TRPC6: variants seen among roughly 807,000 people sequenced by gnomAD.
The protein encoded by TRPC6 is transient receptor potential cation channel subfamily C member 6.
TRPC6 carries 55 observed loss-of-function variants against 90.7 expected under a neutral mutation model. The observed-to-expected ratio is 0.61, with a 90% CI of 0.49 to 0.76. TRPC6 has a LOEUF of 0.76. Among genes scored for constraint, TRPC6 ranks in the 30% least tolerant of loss-of-function variants. The pLI is 0.00. For missense variants in TRPC6, 989 were observed against 1,122.7 expected, an observed-to-expected ratio of 0.88 and a Z score of 1.70; for synonymous variants, 393 against 393.0, an observed-to-expected ratio of 1.00 and a Z score of 0.00.
intron 1 of TRPC6, among the ~76,000 whole-genome samples, chr11:101,516,976 C>T (rs1280789248): frequency 2.0e-5 from 3 of 152,216 alleles, no homozygotes; most frequent in South Asian, 2.1e-4. Flanking sequence ...TCCCCTTTTG[C>T]CCACATTTTT....
At chr11:101,511,336 G>C (rs1860388398) in intron 1 of TRPC6, among the ~76,000 whole-genome samples, 2 of 152,122 alleles carry the variant, frequency 1.3e-5, no homozygotes, top group African/African-American at 4.8e-5. Context: ...AGTCCTATGA[G>C]AGCAATGATG....
At chr11:101,508,064 A>C (rs1451598210) in intron 1 of TRPC6, among the ~76,000 whole-genome samples, 2 of 152,008 alleles carry the variant, frequency 1.3e-5, no homozygotes, top group Non-Finnish European at 2.9e-5. Flanking sequence ...ATTTTCAAAA[A>C]CACCCTTTAT....
Position 101,549,342 on chromosome 11 carries a change from T to C in TRPC6, c.170+33992A>G, listed in dbSNP as rs562313648. On this transcript the variant is annotated intron_variant, in intron 1 of 12. Transcript: ENST00000344327. ...GATGGTCAGCTATATGAAAAATAAT[T>C]ATTTATATCCACACCTCATATTACG... is the stretch of plus-strand genomic sequence containing the variant. Among the ~76,000 whole-genome samples, 323 of 151,844 alleles carry C rather than the reference T, an allele frequency of 2.1e-3. 2 individuals carry two copies. Among genetic ancestry groups the C allele is most frequent in the Middle Eastern group, 0.02 (6 of 294 alleles).
At chr11:101,578,186 C>G (rs987131519) in intron 1 of TRPC6, among the ~76,000 whole-genome samples, 1 of 152,060 alleles carries the variant, frequency 6.6e-6, no homozygotes, top group Non-Finnish European at 1.5e-5. Context: ...GACGTGTGAA[C>G]AAATAAATGT....
At chr11:101,467,792 A>C (rs1167144240) in intron 10 of TRPC6, among the ~76,000 whole-genome samples, 1 of 152,164 alleles carries the variant, frequency 6.6e-6, no homozygotes, top group African/African-American at 2.4e-5. Context: ...TTAAATATCT[A>C]ACTCTCAGTC....
Position 101,455,005 on chromosome 11 carries a change from A to T in TRPC6, c.2568+13T>A. The T allele has an allele frequency of 1.2e-6, 2 of 1,602,988 alleles. No individual in the cohort carries two copies. The highest frequency in any genetic ancestry group is 2.2e-5 in the East Asian group (1 of 44,628). On this transcript the variant is annotated intron_variant, in intron 11 of 12. Transcript: ENST00000344327. ...AAGTAACTAGTTTTATTCCTTTAAA[A>T]ATCCATGCTTACCTGATATTGTCTT...
At chr11:101,521,140 C>A (rs1860649914) in intron 1 of TRPC6, among the ~76,000 whole-genome samples, 1 of 152,176 alleles carries the variant, frequency 6.6e-6, no homozygotes, top group African/African-American at 2.4e-5. Flanking sequence ...GCTTCAAAGG[C>A]ATTTCAGAGA....
rs1247788466 is a variant in TRPC6, at chr11:101,583,740, C to T, written c.-237G>A. On this transcript the variant is annotated 5_prime_UTR_variant, in exon 1 of 13. An upstream open reading frame in the 5' UTR loses its in-frame stop. Coordinates refer to ENST00000344327, the MANE Select transcript of TRPC6 (RefSeq NM_004621.6). ...AAAGAGGATCTTGACCTGAGCAGGT[C>T]AGGCCGAGGAGACCCCGCGAGGATG... The T allele has an allele frequency of 3.5e-5, 15 of 426,388 alleles. No individual in the cohort carries two copies. The East Asian group carries it at 5.0e-4, about 14-fold the overall frequency. 26.4% of individuals were successfully genotyped at this position (426,388 alleles called of 1,614,324 possible).
intron 1 of TRPC6, 83 bp from the exon 2 acceptor site, chr11:101,504,881 ATCC>A: frequency 6.7e-7 from 1 of 1,486,828 alleles, no homozygotes; most frequent in Non-Finnish European, 9.2e-7. Flanking sequence ...ATCTAATACA[ATCC>A]TCAAGTATAT....
At chr11:101,465,704 G>C (rs953248624) in intron 10 of TRPC6, among the ~76,000 whole-genome samples, 2 of 151,956 alleles carry the variant, frequency 1.3e-5, no homozygotes, top group African/African-American at 4.8e-5. Context: ...TTTTTTCAAG[G>C]TTCTTAGTTT....
intron 1 of TRPC6, chr11:101,583,077 C>T: frequency 2.8e-6 from 2 of 710,176 alleles, no homozygotes; most frequent in Non-Finnish European, 3.5e-6. Flanking sequence ...TGTTACTATG[C>T]GGTCTCACTC....
intron 1 of TRPC6, among the ~76,000 whole-genome samples, chr11:101,506,814 TTTTAG>T (rs1860279358): frequency 1.3e-5 from 2 of 152,136 alleles, no homozygotes; most frequent in South Asian, 2.1e-4. Flanking sequence ...CATGTGCATA[TTTTAG>T]TTTATTCTAT....
At chr11:101,501,488 C>G (rs1189560534) in intron 2 of TRPC6, among the ~76,000 whole-genome samples, 1 of 152,100 alleles carries the variant, frequency 6.6e-6, no homozygotes, top group Non-Finnish European at 1.5e-5. Context: ...ACACCAACTT[C>G]TCTATTCCTG....
chr11:101,467,577 G>T (rs1859178356), intron 10 of TRPC6, among the ~76,000 whole-genome samples: 1 of 152,156 alleles, frequency 6.6e-6, no homozygotes, highest in African/African-American at 2.4e-5. Flanking sequence ...CATTAGAATG[G>T]CAGAAATTGC....
intron 5 of TRPC6, among the ~76,000 whole-genome samples, chr11:101,478,144 G>A (rs752724997): frequency 3.3e-5 from 5 of 152,202 alleles, no homozygotes; most frequent in Admixed American, 1.3e-4. Flanking sequence ...GCAGAGCCCT[G>A]TGGGGATTAA....
intron 1 of TRPC6, among the ~76,000 whole-genome samples, chr11:101,546,994 A>G (rs1162336182): frequency 2.6e-5 from 4 of 152,294 alleles, no homozygotes; most frequent in Admixed American, 2.6e-4. Flanking sequence ...GTTCAAACAC[A>G]TTATATTGTT....
At chr11:101,479,112 G>A (rs780405704) in intron 5 of TRPC6, among the ~76,000 whole-genome samples, 3 of 152,156 alleles carry the variant, frequency 2.0e-5, no homozygotes, top group Non-Finnish European at 4.4e-5. Flanking sequence ...GCCCCCTCAA[G>A]TGCTGTTCTG....
At chr11:101,458,181 T>G (rs11224768) in intron 10 of TRPC6, among the ~76,000 whole-genome samples, 47,055 of 152,054 alleles carry the variant, frequency 0.31, 9,425 homozygotes, top group African/African-American at 0.57. Flanking sequence ...TGAACACATA[T>G]TGCTTTCACA....
At chr11:101,500,978 T>C (rs1420983423) in intron 2 of TRPC6, among the ~76,000 whole-genome samples, 1 of 152,148 alleles carries the variant, frequency 6.6e-6, no homozygotes. Context: ...ATCATATCCC[T>C]TAAAAATATT....
Sources: gnomAD v4.1 joint callset for allele counts (sites outside exome capture counted in the v4.1 genomes callset) on GRCh38, gnomAD v4.1.1 for gene constraint, MANE v1.5 for transcripts, NCBI Gene and HGNC (gene_info 2026-07-23, HGNC 2026-07-21) for gene names.